The following COG5 variants were observed in gnomAD, a reference collection of about 807,000 sequenced individuals.
COG5 encodes conserved oligomeric Golgi complex subunit 5.
COG5 carries 86 observed loss-of-function variants against 110.4 expected under a neutral mutation model. The ratio of observed to expected loss-of-function variants is 0.78; its 90% CI spans 0.65 to 0.93. The LOEUF is 0.93. COG5 is among the 40% of genes least tolerant of loss of function. COG5 has a pLI of 0.00. For synonymous variants in COG5, 360 were observed against 334.6 expected, an observed-to-expected ratio of 1.08 and a Z score of -0.83; for missense variants, 1,077 against 987.0, an observed-to-expected ratio of 1.09 and a Z score of -1.22.
intron 5 of COG5, 134 bp from the exon 6 acceptor site, chr7:107,527,491 T>C: frequency 2.3e-6 from 2 of 887,172 alleles, no homozygotes; most frequent in Non-Finnish European, 3.5e-6. Flanking sequence ...GTAACAAACC[T>C]GCACATGTAT....
In COG5 at chr7:107,474,986, A is replaced by G; in HGVS notation, c.538+52251T>C. 6.2e-7 allele frequency: 1 copy of G among 1,612,548 alleles called. No individual in the cohort carries two copies. Among genetic ancestry groups the G allele is most frequent in the Non-Finnish European group, 8.5e-7 (1 of 1,179,226 alleles). On this transcript the variant is annotated intron_variant, in intron 6 of 21. Coordinates refer to ENST00000297135, the MANE Select transcript of COG5 (RefSeq NM_006348.5). This position sits in a 1 kb window ranked among gnomAD's most constrained non-coding sequence, Gnocchi z 5.7. ...CACCGTGAACGACGAGAAAGACAAAAGAGAGTCTTCAGGATGTCTTTATTG... is the reference window on the plus strand; with the variant it reads ...CACCGTGAACGACGAGAAAGACAAAGGAGAGTCTTCAGGATGTCTTTATTG...
Position 107,262,000 on chromosome 7 carries a change from T to G in COG5, c.1576-3617A>C, listed in dbSNP as rs897152665. Reference sequence around the variant, plus strand: ...TCACCTACTGGGTTCAAGTGATTCTTGTGCCTCAGCCTCCTGGGTAGCTGG... The same window carrying G: ...TCACCTACTGGGTTCAAGTGATTCTGGTGCCTCAGCCTCCTGGGTAGCTGG... On this transcript the variant is annotated intron_variant, in intron 14 of 21. Coordinates refer to ENST00000297135, the MANE Select transcript of COG5 (RefSeq NM_006348.5). Among the ~76,000 whole-genome samples the G allele has an allele frequency of 4.0e-5, 6 of 151,858 alleles. No homozygotes were observed. In the South Asian group the frequency reaches 1.2e-3, roughly 32 times the overall value.
chr7:107,264,134 C>T (rs1412427382), intron 14 of COG5, among the ~76,000 whole-genome samples: 1 of 151,870 alleles, frequency 6.6e-6, no homozygotes, highest in African/African-American at 2.4e-5. Flanking sequence ...CTATTTATGC[C>T]CACTCCCATG....
chr7:107,558,907 T>G (rs1170832696), intron 1 of COG5, among the ~76,000 whole-genome samples: 3 of 89,510 alleles, frequency 3.4e-5, no homozygotes, highest in Admixed American at 1.1e-4. Flanking sequence ...AAAAAAAGAC[T>G]TCATCTCAAA....
intron 7 of COG5, among the ~76,000 whole-genome samples, chr7:107,384,703 T>C (rs903853999): frequency 6.6e-6 from 1 of 152,086 alleles, no homozygotes; most frequent in Admixed American, 6.5e-5. Context: ...GAAGAAGAGA[T>C]ACCAGAAAGC....
chr7:107,563,217 T>C (rs770822670), intron 1 of COG5, among the ~76,000 whole-genome samples: 34 of 152,276 alleles, frequency 2.2e-4, no homozygotes, highest in Middle Eastern at 3.4e-3. Context: ...TGCTAGATTC[T>C]GTACAAATGG....
chr7:107,311,407 G>T (rs1808252804), intron 11 of COG5, among the ~76,000 whole-genome samples: 9 of 63,744 alleles, frequency 1.4e-4, no homozygotes, highest in East Asian at 5.4e-4. Flanking sequence ...TTTTTTTTGA[G>T]ACGGAGTCTC....
At chr7:107,545,900 C>A (rs1355031511) in intron 5 of COG5, among the ~76,000 whole-genome samples, 1 of 152,040 alleles carries the variant, frequency 6.6e-6, no homozygotes, top group Non-Finnish European at 1.5e-5. Flanking sequence ...AACACTCCGT[C>A]CAACAGCAGC....
chr7:107,421,211 A>G (rs939560088), intron 6 of COG5, among the ~76,000 whole-genome samples: 1 of 152,198 alleles, frequency 6.6e-6, no homozygotes, highest in African/African-American at 2.4e-5. Flanking sequence ...TCCATCGTCA[A>G]CAGAAAGATA....
chr7:107,426,049 A>T (rs187261916), intron 6 of COG5, among the ~76,000 whole-genome samples: 2 of 152,312 alleles, frequency 1.3e-5, no homozygotes, highest in East Asian at 3.9e-4. Flanking sequence ...GCTAGGCAAG[A>T]GGCATGGAAC....
At chr7:107,525,897 T>A (rs985333518) in intron 6 of COG5, among the ~76,000 whole-genome samples, 1 of 152,174 alleles carries the variant, frequency 6.6e-6, no homozygotes, top group African/African-American at 2.4e-5. Flanking sequence ...AAAGTTCAAC[T>A]TTTTATATGA....
intron 19 of COG5, among the ~76,000 whole-genome samples, chr7:107,227,909 C>T (rs533458065): frequency 6.6e-6 from 1 of 152,086 alleles, no homozygotes; most frequent in Non-Finnish European, 1.5e-5. Context: ...GGGGTTTCAC[C>T]ATGTTGGCCA....
intron 1 of COG5, among the ~76,000 whole-genome samples, chr7:107,560,063 T>C (rs1437088455): frequency 6.6e-6 from 1 of 152,220 alleles, no homozygotes; most frequent in Admixed American, 6.5e-5. Flanking sequence ...GGAAAAAGGA[T>C]TAGTCACACA....
chr7:107,357,967 A>C (rs1812774958), intron 10 of COG5, among the ~76,000 whole-genome samples: 1 of 152,142 alleles, frequency 6.6e-6, no homozygotes, highest in South Asian at 2.1e-4. Flanking sequence ...CTGTGCCTGG[A>C]CTCATACGCA....
intron 10 of COG5, among the ~76,000 whole-genome samples, chr7:107,355,140 TTAAC>T (rs1359024950): frequency 6.6e-6 from 1 of 152,150 alleles, no homozygotes; most frequent in African/African-American, 2.4e-5. Flanking sequence ...TCTTAGAACA[TTAAC>T]TAATGAAAAA....
chr7:107,528,889 C>A (rs1227399609), intron 5 of COG5, among the ~76,000 whole-genome samples: 1 of 152,080 alleles, frequency 6.6e-6, no homozygotes, highest in Non-Finnish European at 1.5e-5. Context: ...ACAAGCAATA[C>A]ACCGTATGTA....
At chr7:107,437,909 C>T (rs1167278026) in intron 6 of COG5, among the ~76,000 whole-genome samples, 1 of 152,106 alleles carries the variant, frequency 6.6e-6, no homozygotes, top group East Asian at 1.9e-4. Flanking sequence ...CCTTTTCTAG[C>T]AAAATATGTC....
rs74354273 is a variant in COG5 at position 107,362,147 on chromosome 7, A to G, written c.949-37T>C. On this transcript the variant is annotated intron_variant, in intron 9 of 21. Coordinates refer to ENST00000297135, the MANE Select transcript of COG5 (RefSeq NM_006348.5). The stretch of plus-strand genomic sequence containing the variant: ...CAAATGTAAAGCTTAGGCAATAGAA[A>G]AAGCAAGAAAAGGGAAATGGCAACC... The G allele has an allele frequency of 1.2e-4, 186 of 1,517,866 alleles. No homozygotes were observed. In the East Asian group the frequency reaches 2.8e-3, roughly 23 times the overall value. The allele number at this position is 1,517,866 out of a possible 1,614,324, so 94.0% of individuals were successfully genotyped here. A position where few individuals can be genotyped will look rare whatever the true frequency, so the allele number is the denominator to read the frequency against.
At chr7:107,457,024 C>T (rs1795705200) in intron 6 of COG5, among the ~76,000 whole-genome samples, 1 of 152,112 alleles carries the variant, frequency 6.6e-6, no homozygotes, top group Non-Finnish European at 1.5e-5. Flanking sequence ...TAATGGATAA[C>T]AAAATCCATT....
Sources: gnomAD v4.1 joint callset for allele counts (sites outside exome capture counted in the v4.1 genomes callset) on GRCh38, gnomAD v4.1.1 for gene constraint, Gnocchi (gnomAD v3.1) non-coding constraint, MANE v1.5 for transcripts, NCBI Gene and HGNC (gene_info 2026-07-23, HGNC 2026-07-21) for gene names.